Variants in ZNF98 observed in about 807,000 individuals in gnomAD.
The protein encoded by ZNF98 is zinc finger protein 739.
ZNF98 carries 8 observed loss-of-function variants against 12.8 expected under a neutral mutation model. That is an observed-to-expected ratio of 0.63 (90% confidence interval 0.37 to 1.13). The LOEUF (loss-of-function observed/expected upper bound fraction) is 1.13, where lower values mean the gene tolerates loss of function less well. ZNF98 is among the 50% of genes most tolerant of loss of function. ZNF98 has a pLI of 0.01. For missense variants in ZNF98, 379 were observed against 666.1 expected, an observed-to-expected ratio of 0.57 and a Z score of 4.74; for synonymous variants, 112 against 223.5, an observed-to-expected ratio of 0.50 and a Z score of 4.45.
At chr19:22,418,694 C>A (rs1398465210) in intron 1 of ZNF98, among the ~76,000 whole-genome samples, 1 of 152,118 alleles carries the variant, frequency 6.6e-6, no homozygotes. Context: ...GCCTGGCCAA[C>A]GTGGTGAAAC....
chr19:22,414,098 G>C (rs1969611794), intron 1 of ZNF98, among the ~76,000 whole-genome samples: 1 of 151,258 alleles, frequency 6.6e-6, no homozygotes, highest in Admixed American at 6.6e-5. Flanking sequence ...AGCCGGGCGT[G>C]GTGGCAGGCA....
chr19:22,393,899 A>G, intron 3 of ZNF98, among the ~76,000 whole-genome samples: 1 of 152,082 alleles, frequency 6.6e-6, no homozygotes, highest in Non-Finnish European at 1.5e-5. Flanking sequence ...TGAACAGGCA[A>G]CCTACAGAAT....
At chr19:22,396,075 T>G (rs1366939648) in intron 3 of ZNF98, among the ~76,000 whole-genome samples, 1 of 151,782 alleles carries the variant, frequency 6.6e-6, no homozygotes, top group Non-Finnish European at 1.5e-5. Flanking sequence ...CATATAAAAA[T>G]ACATTATTTT....
At chr19:22,402,711 A>C in intron 3 of ZNF98, 78 bp downstream of exon 3, 1 of 1,115,526 alleles carries the variant, frequency 9.0e-7, no homozygotes, top group Non-Finnish European at 1.2e-6. Flanking sequence ...AATCATTTTA[A>C]GGAATGGCTT....
intron 3 of ZNF98, among the ~76,000 whole-genome samples, chr19:22,397,131 CA>C (rs59004830): frequency 2.7e-5 from 4 of 148,722 alleles, no homozygotes; most frequent in African/African-American, 9.9e-5. Flanking sequence ...AAAAAAACAA[CA>C]AAAAAAAACC....
chr19:22,401,221 CTAAT>C (rs1219582164), intron 3 of ZNF98, among the ~76,000 whole-genome samples: 1 of 151,132 alleles, frequency 6.6e-6, no homozygotes, highest in Non-Finnish European at 1.5e-5. Flanking sequence ...CATTTAAAAC[CTAAT>C]TAAAGTAATA....
intron 3 of ZNF98, among the ~76,000 whole-genome samples, chr19:22,399,014 C>T (rs1969428246): frequency 6.6e-6 from 1 of 152,126 alleles, no homozygotes; most frequent in African/African-American, 2.4e-5. Flanking sequence ...TCTTAAACCC[C>T]ACACCGACTT....
chr19:22,399,992 C>T (rs1052838209), intron 3 of ZNF98, among the ~76,000 whole-genome samples: 2 of 152,112 alleles, frequency 1.3e-5, no homozygotes, highest in Non-Finnish European at 1.5e-5. Flanking sequence ...TGCTAATGCC[C>T]AAGATTGAGG....
intron 3 of ZNF98, among the ~76,000 whole-genome samples, chr19:22,402,031 C>T (rs1257797115): frequency 1.3e-5 from 2 of 150,542 alleles, no homozygotes; most frequent in South Asian, 2.1e-4. Context: ...TAAAAATTAG[C>T]CAGGCATGGT....
chr19:22,419,084 T>A (rs1292912015), intron 1 of ZNF98, among the ~76,000 whole-genome samples: 1 of 152,142 alleles, frequency 6.6e-6, no homozygotes, highest in Non-Finnish European at 1.5e-5. Flanking sequence ...TCACCCTCCA[T>A]TTGCCATTTC....
intron 1 of ZNF98, among the ~76,000 whole-genome samples, chr19:22,417,762 C>T (rs1969661491): frequency 6.6e-6 from 1 of 152,194 alleles, no homozygotes; most frequent in South Asian, 2.1e-4. Context: ...TGTAAAATTT[C>T]TCAGCATGGT....
chr19:22,412,551 A>G (rs1969591301), intron 1 of ZNF98, among the ~76,000 whole-genome samples: 1 of 152,148 alleles, frequency 6.6e-6, no homozygotes. Flanking sequence ...CTAGCAGAAG[A>G]CAAGAAATAA....
chr19:22,407,351 C>G (rs1181053098), intron 1 of ZNF98, among the ~76,000 whole-genome samples: 1 of 150,812 alleles, frequency 6.6e-6, no homozygotes, highest in Non-Finnish European at 1.5e-5. Flanking sequence ...GCCACTGTGC[C>G]CAGTCCTATT....
chr19:22,400,763 G>A (rs1234638342), intron 3 of ZNF98, among the ~76,000 whole-genome samples: 4 of 151,632 alleles, frequency 2.6e-5, no homozygotes, highest in African/African-American at 9.7e-5. Flanking sequence ...GACCAGCCTG[G>A]CCAACATGGT....
intron 1 of ZNF98, among the ~76,000 whole-genome samples, chr19:22,418,598 G>A (rs1008473744): frequency 1.3e-5 from 2 of 152,212 alleles, no homozygotes; most frequent in Non-Finnish European, 2.9e-5. Context: ...AAATCAGCTG[G>A]CTGGGAGCAG....
Position 22,422,280 on chromosome 19 carries a change from T to C in ZNF98, c.-56A>G, listed in dbSNP as rs917615261. ...CACAGGGCCACAGAGGCTGGGCCTC[T>C]ACGAGCAGAGGACACAGAAGGGCGA... is the stretch of plus-strand genomic sequence containing the variant. On this transcript the variant is annotated 5_prime_UTR_variant, in exon 1 of 4. Coordinates refer to ENST00000357774, the MANE Select transcript of ZNF98 (RefSeq NM_001098626.2). 1.3e-4 allele frequency: 214 copies of C among 1,603,456 alleles called. No individual in the cohort carries two copies. Among genetic ancestry groups the C allele is most frequent in the Admixed American group, 1.0e-3 (60 of 59,790 alleles).
At chr19:22,409,852 C>T (rs547847889) in intron 1 of ZNF98, among the ~76,000 whole-genome samples, 81 of 141,284 alleles carry the variant, frequency 5.7e-4, no homozygotes, top group Non-Finnish European at 1.1e-3. Flanking sequence ...GTAGAGGTTG[C>T]AGTGAGCAGA....
intron 1 of ZNF98, among the ~76,000 whole-genome samples, chr19:22,414,690 G>C (rs1370805561): frequency 6.6e-6 from 1 of 152,092 alleles, no homozygotes; most frequent in Non-Finnish European, 1.5e-5. Context: ...CTATGTAGAA[G>C]ATTGAAACTG....
chr19:22,407,584 C>T (rs1192976545), intron 1 of ZNF98, among the ~76,000 whole-genome samples: 5 of 151,304 alleles, frequency 3.3e-5, no homozygotes, highest in African/African-American at 4.8e-5. Flanking sequence ...TGGTGGCTCA[C>T]GCCTGCAGTC....
Sources: gnomAD v4.1 joint callset for allele counts (sites outside exome capture counted in the v4.1 genomes callset) on GRCh38, gnomAD v4.1.1 for gene constraint, MANE v1.5 for transcripts, NCBI Gene and HGNC (gene_info 2026-07-23, HGNC 2026-07-21) for gene names.